Variants in UPP2 observed in about 807,000 individuals in gnomAD.
UPP2 encodes UPase 2.
Under a neutral mutation model 26.7 loss-of-function variants are expected in UPP2, and 23 were observed. The observed-to-expected ratio is 0.86, with a 90% CI of 0.62 to 1.22. The LOEUF is 1.22. UPP2 is among the 50% of genes most tolerant of loss of function. The pLI is 0.00. For missense variants in UPP2, 387 were observed against 396.7 expected (o/e 0.98, Z 0.21); for synonymous variants, 127 against 141.3 (o/e 0.90, Z 0.72).
At chr2:158,051,820 T>A (rs1682164140) in intron 3 of UPP2, among the ~76,000 whole-genome samples, 1 of 142,682 alleles carries the variant, frequency 7.0e-6, no homozygotes. Flanking sequence ...ACAACTACAC[T>A]TTGCCAAACA....
At chr2:158,011,110 G>A (rs1436542921) in intron 2 of UPP2, among the ~76,000 whole-genome samples, 1 of 152,130 alleles carries the variant, frequency 6.6e-6, no homozygotes, top group Non-Finnish European at 1.5e-5. Context: ...GCACCTGTCT[G>A]CTTCACTAGG....
At chr2:158,123,587 T>C (rs1683622976) in intron 5 of UPP2, among the ~76,000 whole-genome samples, 162 bp from the exon 6 acceptor site, 1 of 152,134 alleles carries the variant, frequency 6.6e-6, no homozygotes, top group African/African-American at 2.4e-5. Flanking sequence ...CGCTCCACAG[T>C]CCTCTGGTAG....
intron 3 of UPP2, among the ~76,000 whole-genome samples, chr2:158,024,544 C>A (rs531507100): frequency 6.6e-6 from 1 of 152,302 alleles, no homozygotes; most frequent in East Asian, 1.9e-4. Flanking sequence ...GAGTTACCAT[C>A]AGGTTTAGCT....
intron 3 of UPP2, among the ~76,000 whole-genome samples, chr2:158,048,081 C>T (rs1327900011): frequency 6.6e-6 from 1 of 152,146 alleles, no homozygotes; most frequent in Non-Finnish European, 1.5e-5. Context: ...AGGGGTGAGG[C>T]TTCTGGGCAT....
At chr2:158,059,983 T>C (rs919926466) in intron 3 of UPP2, among the ~76,000 whole-genome samples, 2 of 152,192 alleles carry the variant, frequency 1.3e-5, no homozygotes, top group Non-Finnish European at 1.5e-5. Context: ...AAGTCCATCA[T>C]AGATGGTGAA....
At chr2:158,009,667 G>T (rs529822492) in intron 2 of UPP2, among the ~76,000 whole-genome samples, 52 of 152,322 alleles carry the variant, frequency 3.4e-4, no homozygotes, top group South Asian at 2.7e-3. Context: ...TCCCAGTTTT[G>T]AGTTAGCGCA....
chr2:158,012,154 TAA>T (rs1683589753), intron 2 of UPP2, among the ~76,000 whole-genome samples: 3 of 151,818 alleles, frequency 2.0e-5, no homozygotes, highest in Admixed American at 1.3e-4. Flanking sequence ...GTAAGCCTTT[TAA>T]AAAAGAGTTT....
At chr2:158,095,041 G>A (rs1159770982) in intron 3 of UPP2, among the ~76,000 whole-genome samples, 1 of 152,184 alleles carries the variant, frequency 6.6e-6, no homozygotes, top group Non-Finnish European at 1.5e-5. Flanking sequence ...AGCAGAAACA[G>A]AGCCTCTCAG....
chr2:158,085,757 G>A (rs1411271687), intron 3 of UPP2, among the ~76,000 whole-genome samples: 9 of 152,000 alleles, frequency 5.9e-5, no homozygotes, highest in African/African-American at 1.9e-4. Flanking sequence ...CTATTGAGAT[G>A]ATCATGTGAT....
At chr2:158,129,748 T>C (rs1683770715) in intron 6 of UPP2, among the ~76,000 whole-genome samples, 1 of 150,104 alleles carries the variant, frequency 6.7e-6, no homozygotes, top group Admixed American at 6.6e-5. Context: ...TTTAAGGAAA[T>C]AGATAGGAAG....
intron 2 of UPP2, among the ~76,000 whole-genome samples, chr2:158,114,547 T>A (rs1404480961): frequency 6.6e-6 from 1 of 152,226 alleles, no homozygotes; most frequent in Non-Finnish European, 1.5e-5. Flanking sequence ...ACATTTACAA[T>A]AATAAGGCTT....
rs554245625 is a variant in UPP2, at chr2:158,110,841, C to T, written c.181-4260C>T. 1.1e-4 allele frequency among the ~76,000 whole-genome samples: 17 copies of T among 152,198 alleles called. 1 individual carries two copies. Among genetic ancestry groups the T allele is most frequent in the Middle Eastern group, 3.4e-3 (1 of 294 alleles). On this transcript the variant is annotated intron_variant, in intron 2 of 6. Coordinates refer to ENST00000005756, the MANE Select transcript of UPP2 (RefSeq NM_173355.4). ...TTGAGAAGTGTCTGTTCATATCCTTCGCCCACTTGATGGGGTTGTTTTTTT... is the reference window on the plus strand; with the variant it reads ...TTGAGAAGTGTCTGTTCATATCCTTTGCCCACTTGATGGGGTTGTTTTTTT...
chr2:158,123,448 C>A (rs558086081), intron 5 of UPP2, among the ~76,000 whole-genome samples: 1 of 152,310 alleles, frequency 6.6e-6, no homozygotes, highest in South Asian at 2.1e-4. Context: ...CAGCAACCCC[C>A]CGCTTCCTGA....
intron 3 of UPP2, among the ~76,000 whole-genome samples, chr2:158,060,798 C>T (rs1052165353): frequency 6.6e-6 from 1 of 152,190 alleles, no homozygotes; most frequent in Non-Finnish European, 1.5e-5. Context: ...CATGTGAGGA[C>T]ACAGTGAGAA....
chr2:158,127,249 A>G (rs991354819), intron 6 of UPP2, among the ~76,000 whole-genome samples: 1 of 152,238 alleles, frequency 6.6e-6, no homozygotes, highest in African/African-American at 2.4e-5. Flanking sequence ...ATTTATCTGC[A>G]TCACATTTAC....
intron 3 of UPP2, among the ~76,000 whole-genome samples, chr2:158,115,936 T>G (rs1683420993): frequency 6.6e-6 from 1 of 152,170 alleles, no homozygotes; most frequent in South Asian, 2.1e-4. Flanking sequence ...AGCCATCACA[T>G]TTCTGGGCAC....
At chr2:158,095,620 A>C (rs1054395516) in intron 3 of UPP2, among the ~76,000 whole-genome samples, 1 of 152,198 alleles carries the variant, frequency 6.6e-6, no homozygotes, top group African/African-American at 2.4e-5. Context: ...CATTTGATTT[A>C]ACCTCTCTAG....
At chr2:158,042,838 G>C (rs935226354) in intron 3 of UPP2, among the ~76,000 whole-genome samples, 6 of 152,232 alleles carry the variant, frequency 3.9e-5, no homozygotes, top group Admixed American at 2.0e-4. Flanking sequence ...CCACACTGTT[G>C]GTGGGGAGGA....
chr2:158,077,788 A>G (rs1682654407), intron 3 of UPP2, among the ~76,000 whole-genome samples: 1 of 152,182 alleles, frequency 6.6e-6, no homozygotes, highest in African/African-American at 2.4e-5. Flanking sequence ...GGATCACATC[A>G]AGTTAAAACT....
Sources: gnomAD v4.1 joint callset for allele counts (sites outside exome capture counted in the v4.1 genomes callset) on GRCh38, gnomAD v4.1.1 for gene constraint, MANE v1.5 for transcripts, NCBI Gene and HGNC (gene_info 2026-07-23, HGNC 2026-07-21) for gene names.